Variants in SMARCA2 observed in about 807,000 individuals in gnomAD.
The protein encoded by SMARCA2 is SWI/SNF-related matrix-associated actin-dependent regulator of chromatin subfamily A member 2.
A neutral mutation model predicts 199.8 loss-of-function variants in SMARCA2; 61 were observed. That is an observed-to-expected ratio of 0.31 (90% CI 0.25 to 0.38). The LOEUF (loss-of-function observed/expected upper bound fraction) is 0.38. SMARCA2 is among the 10% of genes least tolerant of loss of function. The pLI is 1.00. For missense variants in SMARCA2, 1,344 were observed against 2,012.2 expected (o/e 0.67, Z 6.35); for synonymous variants, 935 against 732.0 (o/e 1.28, Z -4.48).
intron 33 of SMARCA2, chr9:2,191,910 A>C (rs16937891): frequency 0.085 from 13,086 of 153,672 alleles, 584 homozygotes; most frequent in East Asian, 0.16. Flanking sequence ...GTGAGCATCT[A>C]TTGAGCCAGG....
intron 17 of SMARCA2, among the ~76,000 whole-genome samples, chr9:2,084,574 T>C (rs1343633719): frequency 6.6e-6 from 1 of 152,180 alleles, no homozygotes; most frequent in Non-Finnish European, 1.5e-5. Flanking sequence ...TGCCCTGAGA[T>C]ATTGTCAGTG....
rs77170417 is a variant in SMARCA2 at position 2,103,778 on chromosome 9, A to C, written c.3126-225A>C. On this transcript the variant is annotated intron_variant, in intron 22 of 33. Coordinates refer to ENST00000349721, the MANE Select transcript of SMARCA2 (RefSeq NM_003070.5). ...CTTTCTAGAACCTGTCATCATACCTAGTATATGCAATGCACTTTTCATGGG... is the reference window on the plus strand; with the variant it reads ...CTTTCTAGAACCTGTCATCATACCTCGTATATGCAATGCACTTTTCATGGG... Among the ~76,000 whole-genome samples the C allele has an allele frequency of 0.023, 3,544 of 152,056 alleles. 127 individuals are homozygous for C. Among genetic ancestry groups the C allele is most frequent in the African/African-American group, 0.08 (3,307 of 41,418 alleles).
intron 9 of SMARCA2, among the ~76,000 whole-genome samples, chr9:2,062,302 C>A (rs1028027132): frequency 6.6e-6 from 1 of 152,114 alleles, no homozygotes; most frequent in Admixed American, 6.6e-5. Context: ...AAGTGGACCC[C>A]ATTAAATGGC....
chr9:2,179,780 T>C (rs907747439), intron 29 of SMARCA2, among the ~76,000 whole-genome samples: 3 of 152,214 alleles, frequency 2.0e-5, no homozygotes, highest in African/African-American at 7.2e-5. Flanking sequence ...GATGACACCA[T>C]GAAGATGTGT....
At chr9:2,040,147 C>T (rs1431861982) in intron 4 of SMARCA2, 2 of 781,056 alleles carry the variant, frequency 2.6e-6, no homozygotes, top group East Asian at 2.7e-5. Flanking sequence ...GGAAAAAGCA[C>T]CTGTGATTTT....
chr9:2,181,041 G>T (rs1826984418), intron 29 of SMARCA2, among the ~76,000 whole-genome samples: 1 of 149,948 alleles, frequency 6.7e-6, no homozygotes, highest in African/African-American at 2.5e-5. Flanking sequence ...ATAAGACCAA[G>T]AAAATAGTCA....
chr9:2,108,245 A>T (rs555212615), intron 23 of SMARCA2, among the ~76,000 whole-genome samples: 3 of 152,228 alleles, frequency 2.0e-5, no homozygotes, highest in Non-Finnish European at 2.9e-5. Flanking sequence ...CTGAAAAACA[A>T]CTGAAGTAAC....
intron 27 of SMARCA2, among the ~76,000 whole-genome samples, chr9:2,131,960 A>G (rs897094994): frequency 6.6e-6 from 1 of 152,018 alleles, no homozygotes; most frequent in African/African-American, 2.4e-5. Flanking sequence ...AAAGGAAAAA[A>G]AAATGACATT....
At chr9:2,082,938 C>G (rs1821632142) in intron 15 of SMARCA2, among the ~76,000 whole-genome samples, 1 of 152,194 alleles carries the variant, frequency 6.6e-6, no homozygotes, top group African/African-American at 2.4e-5. Flanking sequence ...CCCCTGTTCC[C>G]TCTTGACAGA....
intron 19 of SMARCA2, among the ~76,000 whole-genome samples, chr9:2,090,396 T>C (rs540069597): frequency 2.0e-5 from 3 of 152,298 alleles, no homozygotes; most frequent in Admixed American, 6.5e-5. Context: ...TTTCCTTTGG[T>C]GGAGTGGAAA....
intron 18 of SMARCA2, 149 bp from the exon 19 acceptor site, chr9:2,088,351 T>G (rs530020107): frequency 1.2e-6 from 1 of 803,514 alleles, no homozygotes; most frequent in South Asian, 2.6e-5. Context: ...GGAAGATAAT[T>G]CAGAGGTAGA....
Position 2,186,241 on chromosome 9 carries a change from A to G in SMARCA2, c.4594+13A>G. On this transcript the variant is annotated intron_variant, in intron 32 of 33. Coordinates refer to ENST00000349721, the MANE Select transcript of SMARCA2 (RefSeq NM_003070.5). ...TCAGAGTCCGAGGGTAAGCCCAGAC[A>G]TTCGGGTCCTGTACATCTTTGCCCC... The G allele has an allele frequency of 6.2e-7, 1 of 1,610,828 alleles. No homozygotes were observed. Among genetic ancestry groups the G allele is most frequent in the African/African-American group, 1.3e-5 (1 of 74,990 alleles).
chr9:2,056,829 G>A lies in SMARCA2; in HGVS notation c.1331G>A (p.Arg444His). ...CAGAAGATTGAGCAGGAGAGGAAAC[G>A]CCGTCAGAAACACCAGGTTCTTAGA... ...KQQKIEQERK[R>H]RQKHQEYLNS... The change falls in exon 7 of 34, where the codon CGC becomes CAC. Residue 444 changes from arginine (R) to histidine (H), a missense_variant. Arg to His is a conservative substitution (Grantham distance 29). Coordinates refer to ENST00000349721, the MANE Select transcript of SMARCA2 (RefSeq NM_003070.5). This position sits in a 1 kb window ranked among gnomAD's most constrained non-coding sequence, Gnocchi z 4.0. 6.2e-7 allele frequency: 1 copy of A among 1,613,684 alleles called. No individual in the cohort carries two copies. Among genetic ancestry groups the A allele is most frequent in the African/African-American group, 1.3e-5 (1 of 74,966 alleles).
chr9:2,129,002 T>C (rs1823818653), intron 27 of SMARCA2, among the ~76,000 whole-genome samples: 1 of 152,150 alleles, frequency 6.6e-6, no homozygotes, highest in South Asian at 2.1e-4. Context: ...CCCCCACACT[T>C]TTGACTGACT....
chr9:2,185,643 A>G (rs1248495702), intron 31 of SMARCA2, among the ~76,000 whole-genome samples: 1 of 152,214 alleles, frequency 6.6e-6, no homozygotes, highest in Non-Finnish European at 1.5e-5. Context: ...ATGTGTATCC[A>G]TTAAAAATAG....
chr9:2,067,607 G>A (rs1406271361), intron 9 of SMARCA2, among the ~76,000 whole-genome samples: 1 of 152,124 alleles, frequency 6.6e-6, no homozygotes, highest in Non-Finnish European at 1.5e-5. Flanking sequence ...GTTTGTTACC[G>A]TTCCTATTTT....
intron 2 of SMARCA2, 39 bp from the exon 3 acceptor site, chr9:2,032,913 T>A (rs1819134879): frequency 6.3e-7 from 1 of 1,596,398 alleles, no homozygotes; most frequent in African/African-American, 1.3e-5. Flanking sequence ...ATATTTTACC[T>A]TATAGAGGTG....
At chr9:2,093,445 T>G (rs1032514910) in intron 19 of SMARCA2, among the ~76,000 whole-genome samples, 2 of 152,174 alleles carry the variant, frequency 1.3e-5, no homozygotes, top group Non-Finnish European at 2.9e-5. Context: ...ACTGTGTAGG[T>G]TATCCCAGGG....
chr9:2,091,303 A>G (rs1273896391), intron 19 of SMARCA2, among the ~76,000 whole-genome samples: 1 of 152,064 alleles, frequency 6.6e-6, no homozygotes, highest in African/African-American at 2.4e-5. Flanking sequence ...GCAGCCACTC[A>G]TCCGTTCTCC....
Sources: allele counts gnomAD v4.1 joint callset (sites outside exome capture counted in the v4.1 genomes callset), GRCh38; gene constraint gnomAD v4.1.1; non-coding constraint Gnocchi (gnomAD v3.1); transcripts MANE v1.5; gene names NCBI Gene and HGNC (gene_info 2026-07-23, HGNC 2026-07-21).